SYNDIG1: variants seen among roughly 807,000 people sequenced by gnomAD.
SYNDIG1 encodes the protein synapse differentiation inducing 1, also known as synapse differentiation-inducing gene protein 1.
Under a neutral mutation model 19.4 loss-of-function variants are expected in SYNDIG1, and 9 were observed. The observed-to-expected ratio is 0.46, with a 90% CI of 0.28 to 0.81. SYNDIG1 has a LOEUF of 0.81. Among genes scored for constraint, SYNDIG1 ranks in the 30% least tolerant of loss-of-function variants. The pLI, the probability that SYNDIG1 is intolerant of heterozygous loss-of-function variation, is 0.12. For synonymous variants in SYNDIG1, 141 were observed against 145.9 expected (o/e 0.97, Z 0.24); for missense variants, 311 against 343.3 (o/e 0.91, Z 0.74).
intron 3 of SYNDIG1, among the ~76,000 whole-genome samples, chr20:24,656,317 C>T (rs926325612): frequency 6.6e-6 from 1 of 152,146 alleles, no homozygotes; most frequent in Non-Finnish European, 1.5e-5. Context: ...TTGGATCTGA[C>T]GAATAAGGAG....
intron 2 of SYNDIG1, among the ~76,000 whole-genome samples, chr20:24,572,942 G>A (rs554568047): frequency 6.6e-6 from 1 of 152,288 alleles, no homozygotes; most frequent in Admixed American, 6.5e-5. Flanking sequence ...ATGGATGGAT[G>A]TCAGGTTCCT....
At chr20:24,510,441 C>T (rs1030246894) in intron 1 of SYNDIG1, among the ~76,000 whole-genome samples, 4 of 150,618 alleles carry the variant, frequency 2.7e-5, no homozygotes, top group African/African-American at 7.3e-5. Context: ...TGGTGGTGGG[C>T]GCCTGTAATC....
intron 2 of SYNDIG1, among the ~76,000 whole-genome samples, chr20:24,549,940 T>G (rs1227977816): frequency 6.6e-6 from 1 of 152,200 alleles, no homozygotes; most frequent in Non-Finnish European, 1.5e-5. Flanking sequence ...GTTCCTCCTC[T>G]TCTCCCTTTC....
At chr20:24,577,211 G>T (rs573506251) in intron 2 of SYNDIG1, among the ~76,000 whole-genome samples, 1 of 152,326 alleles carries the variant, frequency 6.6e-6, no homozygotes, top group African/African-American at 2.4e-5. Context: ...CACATTGGGG[G>T]TTCTCAGGAG....
At chr20:24,485,666 A>T (rs905822645) in intron 1 of SYNDIG1, among the ~76,000 whole-genome samples, 3 of 152,184 alleles carry the variant, frequency 2.0e-5, no homozygotes, top group African/African-American at 7.2e-5. Context: ...AAGTGTGTGT[A>T]TACAACGTAG....
intron 3 of SYNDIG1, among the ~76,000 whole-genome samples, chr20:24,597,378 G>T (rs2058611731): frequency 1.3e-5 from 2 of 152,120 alleles, no homozygotes; most frequent in Admixed American, 1.3e-4. Context: ...ATCCCGTCTT[G>T]TGTCTTTTTT....
intron 3 of SYNDIG1, among the ~76,000 whole-genome samples, chr20:24,620,331 G>A (rs1808382595): frequency 1.3e-5 from 2 of 152,204 alleles, no homozygotes; most frequent in South Asian, 4.1e-4. Context: ...CCTCAGCTAG[G>A]AAGACCCAAG....
intron 1 of SYNDIG1, among the ~76,000 whole-genome samples, chr20:24,534,868 G>A (rs981913873): frequency 3.9e-5 from 6 of 152,160 alleles, no homozygotes; most frequent in African/African-American, 1.4e-4. Context: ...TTATTCCCTG[G>A]GTTTGAGGGA....
chr20:24,638,788 G>T (rs2059342501), intron 3 of SYNDIG1, among the ~76,000 whole-genome samples: 1 of 152,230 alleles, frequency 6.6e-6, no homozygotes, highest in Admixed American at 6.5e-5. Context: ...AGAGGCTCGG[G>T]CTCTGATTTG....
chr20:24,502,959 A>C (rs904672080), intron 1 of SYNDIG1, among the ~76,000 whole-genome samples: 1 of 152,244 alleles, frequency 6.6e-6, no homozygotes, highest in African/African-American at 2.4e-5. Context: ...AGTAGATACG[A>C]ACTTTGGCAC....
intron 3 of SYNDIG1, among the ~76,000 whole-genome samples, chr20:24,597,390 C>T (rs932504234): frequency 3.3e-5 from 5 of 152,060 alleles, no homozygotes; most frequent in Non-Finnish European, 7.4e-5. Flanking sequence ...GTCTTTTTTC[C>T]AAAGAGCTCA....
chr20:24,600,993 A>G (rs1311643502), intron 3 of SYNDIG1, among the ~76,000 whole-genome samples: 1 of 152,142 alleles, frequency 6.6e-6, no homozygotes, highest in East Asian at 1.9e-4. Flanking sequence ...TCAACGGAAA[A>G]ATTTCCAACA....
intron 3 of SYNDIG1, among the ~76,000 whole-genome samples, chr20:24,656,124 T>G (rs940430452): frequency 3.3e-5 from 5 of 152,188 alleles, no homozygotes; most frequent in African/African-American, 1.2e-4. Context: ...GGTGCTGTTC[T>G]TAGTGCCAAT....
In SYNDIG1 at chr20:24,665,314, A is replaced by G. The variant is rs1229038134; in HGVS notation, c.619-32A>G. 5.1e-6 allele frequency: 8 copies of G among 1,577,040 alleles called. 1 individual carries two copies. Among genetic ancestry groups the G allele is most frequent in the Middle Eastern group, 1.7e-4 (1 of 5,906 alleles). ...TCACTGCTTGTTCCGACTTGCTTAC[A>G]ATGACTTCCTTTTTCTTCTCCAACT... On this transcript the variant is annotated intron_variant, in intron 3 of 3. Coordinates refer to ENST00000376862, the MANE Select transcript of SYNDIG1 (RefSeq NM_024893.3).
intron 1 of SYNDIG1, among the ~76,000 whole-genome samples, chr20:24,475,432 G>T (rs1198181376): frequency 6.6e-6 from 1 of 152,240 alleles, no homozygotes; most frequent in East Asian, 1.9e-4. Context: ...CATCACCCAT[G>T]TGTCTCCCTT....
intron 3 of SYNDIG1, among the ~76,000 whole-genome samples, chr20:24,628,988 A>G (rs1033785867): frequency 1.3e-5 from 2 of 152,274 alleles, no homozygotes; most frequent in Non-Finnish European, 2.9e-5. Flanking sequence ...TTTTGAGGGC[A>G]TAGTGATCCT....
chr20:24,535,200 T>C (rs2057337623), intron 1 of SYNDIG1, among the ~76,000 whole-genome samples: 2 of 152,314 alleles, frequency 1.3e-5, no homozygotes, highest in East Asian at 1.9e-4. Context: ...AGCACCATAG[T>C]TGTTTGCCGA....
intron 1 of SYNDIG1, among the ~76,000 whole-genome samples, chr20:24,476,716 A>T (rs112672346): frequency 2.8e-3 from 427 of 152,214 alleles, no homozygotes; most frequent in Admixed American, 5.9e-3. Context: ...AAAACTGTGG[A>T]TATTAAGTAT....
chr20:24,473,356 A>G (rs1172108135), intron 1 of SYNDIG1, among the ~76,000 whole-genome samples: 5 of 152,334 alleles, frequency 3.3e-5, no homozygotes, highest in Admixed American at 1.3e-4. Flanking sequence ...GCAGTATTCA[A>G]AACATTAGAG....
Sources: gnomAD v4.1 joint callset for allele counts (sites outside exome capture counted in the v4.1 genomes callset) on GRCh38, gnomAD v4.1.1 for gene constraint, MANE v1.5 for transcripts, NCBI Gene and HGNC (gene_info 2026-07-23, HGNC 2026-07-21) for gene names.